DMXL2: variants seen among roughly 807,000 people sequenced by gnomAD.
DMXL2 encodes dmX-like protein 2.
A neutral mutation model predicts 331.1 loss-of-function variants in DMXL2; 103 were observed. The ratio of observed to expected loss-of-function variants is 0.31; its 90% CI spans 0.27 to 0.37. DMXL2 has a LOEUF of 0.37. DMXL2 is among the 10% of genes least tolerant of loss of function. The pLI is 1.00. For synonymous variants in DMXL2, 1,281 were observed against 1,252.1 expected (o/e 1.02, Z -0.49); for missense variants, 3,171 against 3,642.9 (o/e 0.87, Z 3.33).
chr15:51,475,247 T>A (rs945100245), intron 27 of DMXL2, among the ~76,000 whole-genome samples: 1 of 152,148 alleles, frequency 6.6e-6, no homozygotes, highest in East Asian at 1.9e-4. Flanking sequence ...ATCCCAGCAC[T>A]TTGGGAGGCC....
At chr15:51,492,504 T>C (rs1226555045) in intron 19 of DMXL2, among the ~76,000 whole-genome samples, 1 of 152,156 alleles carries the variant, frequency 6.6e-6, no homozygotes, top group East Asian at 1.9e-4. Context: ...TTTGTTTTTT[T>C]TTACCTGGGA....
chr15:51,464,498 T>C (rs1361356441), intron 32 of DMXL2, among the ~76,000 whole-genome samples, 177 bp downstream of exon 32: 2 of 152,218 alleles, frequency 1.3e-5, no homozygotes, highest in African/African-American at 4.8e-5. Context: ...GAATTACAGA[T>C]AATACTGGGA....
chr15:51,520,843 C>T (rs1172166551), intron 13 of DMXL2, among the ~76,000 whole-genome samples: 1 of 152,008 alleles, frequency 6.6e-6, no homozygotes, highest in Non-Finnish European at 1.5e-5. Flanking sequence ...GATGACAGAG[C>T]AAGATTCAGA....
rs572083113 is a variant in DMXL2, at chr15:51,538,601, A to G, written c.1106-149T>C. The G allele has an allele frequency of 5.2e-5, 31 of 594,298 alleles. No homozygotes were observed. The African/African-American group carries it at 5.8e-4, about 11-fold the overall frequency. The allele number at this position is 594,298 out of a possible 1,614,324, so 36.8% of individuals were successfully genotyped here. A position where few individuals can be genotyped will look rare whatever the true frequency, so the allele number is the denominator to read the frequency against. On this transcript the variant is annotated intron_variant, in intron 9 of 43. Transcript: ENST00000560891. ...TTTGTAAAAACTTTAACTGAATTTA[A>G]TGGTAAATGTAAATCTTAAGAATTA... is the stretch of plus-strand genomic sequence containing the variant.
At chr15:51,531,370 C>T (rs147981405) in intron 13 of DMXL2, among the ~76,000 whole-genome samples, 126 of 152,284 alleles carry the variant, frequency 8.3e-4, no homozygotes, top group Non-Finnish European at 1.4e-3. Context: ...TAACTGCATA[C>T]AAAAATCAAA....
At chr15:51,546,766 C>T (rs1323693129) in intron 7 of DMXL2, among the ~76,000 whole-genome samples, 2 of 152,076 alleles carry the variant, frequency 1.3e-5, no homozygotes, top group African/African-American at 4.8e-5. Flanking sequence ...CACAACCTGG[C>T]CACTTTTTTC....
rs376440075 is a variant in DMXL2 at position 51,467,630 on chromosome 15, T to C, written c.7393-1319A>G. On this transcript the variant is annotated intron_variant, in intron 29 of 43. Coordinates refer to ENST00000560891, the MANE Select transcript of DMXL2 (RefSeq NM_001378457.1). Reference sequence around the variant, plus strand: ...AGGGGGTAAAGTTAGATGCATCCTCTCACTATTCTCAAGAGAGTACAAATT... The same window carrying C: ...AGGGGGTAAAGTTAGATGCATCCTCCCACTATTCTCAAGAGAGTACAAATT... Among the ~76,000 whole-genome samples the C allele has an allele frequency of 3.2e-4, 49 of 152,248 alleles. No individual in the cohort carries two copies. In the South Asian group the frequency reaches 1.0e-2, roughly 31 times the overall value.
chr15:51,537,867 T>A, intron 10 of DMXL2, 108 bp from the exon 11 acceptor site: 1 of 1,276,492 alleles, frequency 7.8e-7, no homozygotes, highest in Non-Finnish European at 1.0e-6. Context: ...CTTTTCCAAT[T>A]TACAGTCAGA....
intron 13 of DMXL2, among the ~76,000 whole-genome samples, chr15:51,518,598 G>T (rs940316303): frequency 6.6e-6 from 1 of 152,208 alleles, no homozygotes; most frequent in Non-Finnish European, 1.5e-5. Context: ...AAGAAGGACT[G>T]CTGTAGATCA....
At chr15:51,498,053 G>A (rs570872932) in intron 18 of DMXL2, among the ~76,000 whole-genome samples, 1 of 152,170 alleles carries the variant, frequency 6.6e-6, no homozygotes, top group African/African-American at 2.4e-5. Flanking sequence ...GGCAACATAA[G>A]GAGACCTAGT....
At chr15:51,488,193 A>G in intron 21 of DMXL2, 74 bp from the exon 22 acceptor site, 1 of 1,314,406 alleles carries the variant, frequency 7.6e-7, no homozygotes, top group Non-Finnish European at 1.0e-6. Flanking sequence ...ATAATATAAA[A>G]TAAAAACCTC....
At chr15:51,592,354 A>G (rs1057481264) in intron 1 of DMXL2, among the ~76,000 whole-genome samples, 10 of 152,354 alleles carry the variant, frequency 6.6e-5, no homozygotes, top group Admixed American at 5.9e-4. Flanking sequence ...AAGCAAGAAG[A>G]GAAGTTAAGA....
chr15:51,452,512 C>A (rs1023493077), intron 41 of DMXL2, among the ~76,000 whole-genome samples: 15 of 152,028 alleles, frequency 9.9e-5, no homozygotes, highest in African/African-American at 3.6e-4. Flanking sequence ...CCACTAATTA[C>A]CAGGAAAATG....
rs146965875 is a variant in DMXL2 at position 51,499,139 on chromosome 15, C to T, written c.4085G>A (p.Arg1362Gln). The change falls in exon 18 of 44, where the codon CGA (arginine) becomes CAA (glutamine). Residue 1362 changes from arginine (R) to glutamine (Q), a missense_variant. This residue lies in a region of DMXL2 where 1,674 missense variants were observed against 1,780.2 expected (regional missense o/e 0.94). Coordinates refer to ENST00000560891, the MANE Select transcript of DMXL2 (RefSeq NM_001378457.1). ...LLELMDLGKV[R>Q]RAKAILSHLV... ...ATGAGAGAGAATGGCTTTAGCCCTT[C>T]GCACTTTCCCTAAATCCATCAATTC... 8.7e-6 allele frequency: 14 copies of T among 1,614,086 alleles called. No homozygotes were observed. The highest frequency in any genetic ancestry group is 2.7e-5 in the African/African-American group (2 of 75,030).
chr15:51,467,114 G>C (rs940117991), intron 29 of DMXL2, among the ~76,000 whole-genome samples: 1 of 151,944 alleles, frequency 6.6e-6, no homozygotes, highest in Non-Finnish European at 1.5e-5. Context: ...GATCCAGTCT[G>C]TTCCTCACTT....
In DMXL2 at chr15:51,479,952, A is replaced by G. The variant is rs2041890001; in HGVS notation, c.6752T>C (p.Val2251Ala). 2 of 1,508,224 alleles carry G rather than the reference A, an allele frequency of 1.3e-6. No homozygotes were observed. The highest frequency in any genetic ancestry group is 1.8e-6 in the Non-Finnish European group (2 of 1,115,186). The allele number at this position is 1,508,224 out of a possible 1,614,324, so 93.4% of individuals were successfully genotyped here. ...TGATCATAAACTTTACATTACCTTC[A>G]CATCTTCAATACTGGGATGAGGTGG... ...KTPPHPSIED[V>A]KVHTLHSLAA... Residue 2251 changes from valine to alanine, a missense_variant, in exon 25 of 44, where the codon GTG becomes GCG. Coordinates refer to ENST00000560891, the MANE Select transcript of DMXL2 (RefSeq NM_001378457.1).
At chr15:51,604,537 T>A (rs968607560) in intron 1 of DMXL2, among the ~76,000 whole-genome samples, 2 of 152,090 alleles carry the variant, frequency 1.3e-5, no homozygotes, top group Non-Finnish European at 2.9e-5. Context: ...GTCTGAAAAA[T>A]TAAATACTTC....
At chr15:51,495,182 G>A (rs756400274) in intron 18 of DMXL2, 48 bp from the exon 19 acceptor site, 3 of 1,165,010 alleles carry the variant, frequency 2.6e-6, no homozygotes, top group African/African-American at 1.5e-5. Context: ...AATGCAAGAG[G>A]CCACAAACTG....
intron 18 of DMXL2, 143 bp from the exon 19 acceptor site, chr15:51,495,277 C>T (rs926696464): frequency 6.7e-6 from 3 of 445,528 alleles, no homozygotes; most frequent in Non-Finnish European, 7.9e-6. Context: ...AACACTTTAA[C>T]GTCTTTACAA....
Sources: allele counts gnomAD v4.1 joint callset (sites outside exome capture counted in the v4.1 genomes callset), GRCh38; gene constraint gnomAD v4.1.1; regional missense constraint gnomAD v4.1.1; transcripts MANE v1.5; gene names NCBI Gene and HGNC (gene_info 2026-07-23, HGNC 2026-07-21).